The following HARS1 variants were observed in gnomAD, a reference collection of about 807,000 sequenced individuals.
HARS1 encodes histidyl-tRNA synthetase 1.
In HARS1, 45 loss-of-function variants were observed where a neutral mutation model predicts 63.6. The observed-to-expected ratio is 0.71, with a 90% CI of 0.56 to 0.91. The LOEUF is 0.91. HARS1 is among the 40% of genes least tolerant of loss of function. HARS1 has a pLI of 0.00. For missense variants in HARS1, 508 were observed against 643.2 expected, an observed-to-expected ratio of 0.79 and a Z score of 2.27; for synonymous variants, 205 against 247.1, an observed-to-expected ratio of 0.83 and a Z score of 1.60.
intron 12 of HARS1, 150 bp downstream of exon 12, chr5:140,674,529 C>T (rs1432111983): frequency 2.2e-6 from 2 of 927,022 alleles, no homozygotes; most frequent in Non-Finnish European, 3.4e-6. Context: ...TCTCACCCTA[C>T]TAAGACCACA....
chr5:140,684,273 G>A (rs1758896803), intron 2 of HARS1: 7 of 830,550 alleles, frequency 8.4e-6, no homozygotes, highest in Non-Finnish European at 1.0e-5. Flanking sequence ...CTGGGAGACA[G>A]AGCAAGACTC....
intron 1 of HARS1, 95 bp downstream of exon 1, chr5:140,691,120 G>A (rs1041845170): frequency 1.9e-6 from 2 of 1,049,350 alleles, no homozygotes; most frequent in Non-Finnish European, 1.4e-6. Flanking sequence ...AAGACTGGTC[G>A]CTTCCCTCAC....
chr5:140,676,695 C>CA lies in HARS1; in HGVS notation c.1152dup (p.Gly385TrpfsTer55). 6.8e-6 allele frequency: 11 copies of CA among 1,614,230 alleles called. No individual in the cohort carries two copies. The highest frequency in any genetic ancestry group is 9.3e-6 in the Non-Finnish European group (11 of 1,180,046). ...ACGATGGAGAAAATCCGCTCCACCC[C>CA]AATGCTGAGCCCCACACATGGCACC... On this transcript the variant is annotated frameshift_variant, in exon 10 of 13. Coordinates refer to ENST00000504156, the MANE Select transcript of HARS1 (RefSeq NM_002109.6). LOFTEE classifies it high-confidence loss of function. This position sits in a 1 kb window ranked among gnomAD's most constrained non-coding sequence, Gnocchi z 4.1.
At chr5:140,685,686 AC>A (rs754110724) in intron 2 of HARS1, among the ~76,000 whole-genome samples, 3 of 148,872 alleles carry the variant, frequency 2.0e-5, no homozygotes, top group Admixed American at 6.8e-5. Context: ...ATGCCACTGC[AC>A]TCCAGCCTGG....
chr5:140,674,836 C>T lies in HARS1; in HGVS notation c.1312-11G>A, dbSNP rs1340964519. ...GTACAGCAGCTCAGCCTGCAGGGGA[C>T]AAGAGCAGAAGATGAAGGCTGGCTT... On this transcript the variant is annotated splice_polypyrimidine_tract_variant and intron_variant, in intron 11 of 12. Coordinates refer to ENST00000504156, the MANE Select transcript of HARS1 (RefSeq NM_002109.6). 6 of 1,613,962 alleles carry T rather than the reference C, an allele frequency of 3.7e-6. No homozygotes were observed. Among genetic ancestry groups the T allele is most frequent in the Non-Finnish European group, 4.2e-6 (5 of 1,179,948 alleles).
At chr5:140,688,388 A>G (rs765352790) in intron 2 of HARS1, among the ~76,000 whole-genome samples, 6 of 152,174 alleles carry the variant, frequency 3.9e-5, no homozygotes, top group Non-Finnish European at 7.3e-5. Flanking sequence ...AAGCCCTGAC[A>G]TGTTTTTCTT....
In HARS1 at chr5:140,674,724, G is replaced by T; in HGVS notation, c.1413C>A (p.Leu471=). The change falls in exon 12 of 13, where the codon CTC becomes CTA. Residue 471 remains leucine (L), a synonymous_variant. Transcript: ENST00000504156. ...PLVAIIGEQE[L]KDGVIKLRSV... ...AACGGAGCTTGATGACCCCATCCTTGAGTTCCTGCTCGCCGATGATAGCCA... is the reference window on the plus strand; with the variant it reads ...AACGGAGCTTGATGACCCCATCCTTTAGTTCCTGCTCGCCGATGATAGCCA... The T allele has an allele frequency of 6.2e-7, 1 of 1,614,152 alleles. No individual in the cohort carries two copies. Among genetic ancestry groups the T allele is most frequent in the Admixed American group, 1.7e-5 (1 of 60,022 alleles).
At chr5:140,678,491 A>G (rs1286903526) in intron 5 of HARS1, 1 of 166,266 alleles carries the variant, frequency 6.0e-6, no homozygotes, top group African/African-American at 2.4e-5. Context: ...CTCATATGTA[A>G]AATGAAGAGA....
At chr5:140,677,207 A>G (rs1758431621) in intron 8 of HARS1, 91 bp from the exon 9 acceptor site, 4 of 1,451,142 alleles carry the variant, frequency 2.8e-6, no homozygotes, top group Non-Finnish European at 3.9e-6. Flanking sequence ...TCGCCCATGC[A>G]TGTGTGTGTA....
In HARS1 at chr5:140,677,748, G is replaced by C; in HGVS notation, c.636C>G (p.Asn212Lys). ...LQIGDFLVKV[N>K]DRRILDGMFA... The stretch of plus-strand genomic sequence containing the variant: ...ACATCCCATCTAGAATGCGTCGATC[G>C]TTTACCTGCAAGGAACCAATGCATA... Residue 212 changes from asparagine (N) to lysine (K), a missense_variant, in exon 7 of 13, where the codon AAC (asparagine) becomes AAG (lysine). By Grantham distance (94) the Asn-to-Lys change is moderately conservative. This residue lies in a region of HARS1 where 403 missense variants were observed against 548.7 expected (regional missense o/e 0.73). Coordinates refer to ENST00000504156, the MANE Select transcript of HARS1 (RefSeq NM_002109.6). 1 of 1,606,436 alleles carries C rather than the reference G, an allele frequency of 6.2e-7. No individual in the cohort carries two copies. The highest frequency in any genetic ancestry group is 8.5e-7 in the Non-Finnish European group (1 of 1,174,838).
intron 2 of HARS1, among the ~76,000 whole-genome samples, chr5:140,688,098 C>T (rs1293430953): frequency 3.3e-5 from 5 of 149,412 alleles, no homozygotes; most frequent in East Asian, 2.0e-4. Flanking sequence ...AGCAAGACTC[C>T]GTCTCAAACA....
At chr5:140,675,989 C>T (rs745532328) in intron 10 of HARS1, 2 of 152,166 alleles carry the variant, frequency 1.3e-5, no homozygotes, top group East Asian at 1.9e-4. Flanking sequence ...CCACTTAAGA[C>T]CAGCAGCAAC....
chr5:140,679,430 G>C lies in HARS1; in HGVS notation c.397-303C>G, dbSNP rs1158077524. ...GGCGACCAGAAAAAGGCCCCCATAT[G>C]GGATTTCTAAGCAGATGATTCTCTG... is the stretch of plus-strand genomic sequence containing the variant. On this transcript the variant is annotated intron_variant, in intron 4 of 12. Transcript: ENST00000504156. This position sits in a 1 kb window ranked among gnomAD's most constrained non-coding sequence, Gnocchi z 4.3. 1 of 410,730 alleles carries C rather than the reference G, an allele frequency of 2.4e-6. No homozygotes were observed. The highest frequency in any genetic ancestry group is 2.1e-5 in the African/African-American group (1 of 48,666). 25.4% of individuals were successfully genotyped at this position (410,730 alleles called of 1,614,324 possible).
rs1758424868 is a variant in HARS1 at position 140,677,132 on chromosome 5, T to C, written c.824-16A>G. 5.0e-6 allele frequency: 8 copies of C among 1,613,480 alleles called. No homozygotes were observed. Among genetic ancestry groups the C allele is most frequent in the Non-Finnish European group, 6.8e-6 (8 of 1,179,568 alleles). ...GATACCCCACCTGGGGAGACAGACT[T>C]GTGAGTGAGGCTGACAAGGAAACAA... On this transcript the variant is annotated splice_polypyrimidine_tract_variant and intron_variant, in intron 8 of 12. Transcript: ENST00000504156.
chr5:140,685,232 A>T (rs1758956345), intron 2 of HARS1: 1 of 151,994 alleles, frequency 6.6e-6, no homozygotes, highest in Non-Finnish European at 1.5e-5. Flanking sequence ...TAGTACCTAG[A>T]ATAGTCAAAT....
chr5:140,677,833 G>A, intron 6 of HARS1, 75 bp downstream of exon 6: 1 of 1,371,982 alleles, frequency 7.3e-7, no homozygotes, highest in East Asian at 2.3e-5. Context: ...TTAGGCTACT[G>A]GTCCCTCTGC....
At chr5:140,683,490 CT>C (rs1758839411) in intron 2 of HARS1, 2 of 1,205,372 alleles carry the variant, frequency 1.7e-6, no homozygotes, top group Non-Finnish European at 2.1e-6. Context: ...AGCCATTTTT[CT>C]AAACACTCTC....
rs59554063 is a variant in HARS1 at position 140,688,103 on chromosome 5, C to CAAACA, written c.180+2747_180+2751dup. 9.0e-3 allele frequency among the ~76,000 whole-genome samples: 1,362 copies of CAAACA among 150,688 alleles called. 12 individuals are homozygous for CAAACA. Among genetic ancestry groups the CAAACA allele is most frequent in the African/African-American group, 0.018 (727 of 40,892 alleles). On this transcript the variant is annotated intron_variant, in intron 2 of 12. Coordinates refer to ENST00000504156, the MANE Select transcript of HARS1 (RefSeq NM_002109.6). ...TGGGCGACAGAGCAAGACTCCGTCTCAAACAAAACAAAACAAAACAAAACA... is the reference window on the plus strand; with the variant it reads ...TGGGCGACAGAGCAAGACTCCGTCTCAAACAAAACAAAACAAAACAAAACAAAACA...
intron 11 of HARS1, 26 bp downstream of exon 11, chr5:140,674,991 G>A: frequency 6.5e-7 from 1 of 1,532,770 alleles, no homozygotes; most frequent in Non-Finnish European, 9.0e-7. Flanking sequence ...TAAGTTTGCT[G>A]CCACCCTGGG....
Sources: allele counts gnomAD v4.1 joint callset (sites outside exome capture counted in the v4.1 genomes callset), GRCh38; gene constraint gnomAD v4.1.1; regional missense constraint gnomAD v4.1.1; non-coding constraint Gnocchi (gnomAD v3.1); transcripts MANE v1.5; gene names NCBI Gene and HGNC (gene_info 2026-07-23, HGNC 2026-07-21).